The following MACF1 variants were observed in gnomAD, a reference collection of about 807,000 sequenced individuals.
MACF1 encodes the protein microtubule-actin cross-linking factor 1.
Under a neutral mutation model 854.8 loss-of-function variants are expected in MACF1, and 193 were observed. The observed-to-expected ratio is 0.23, with a 90% CI of 0.20 to 0.25. The LOEUF (loss-of-function observed/expected upper bound fraction) is 0.25. MACF1 is among the 10% of genes least tolerant of loss of function. MACF1 has a pLI of 1.00. For synonymous variants in MACF1, 3,185 were observed against 3,226.7 expected, an observed-to-expected ratio of 0.99 and a Z score of 0.44; for missense variants, 7,722 against 8,929.1, an observed-to-expected ratio of 0.86 and a Z score of 5.45.
chr1:39,391,004 G>A (rs964480173), intron 58 of MACF1, among the ~76,000 whole-genome samples: 3 of 151,828 alleles, frequency 2.0e-5, no homozygotes, highest in East Asian at 1.9e-4. Context: ...CCAGCTACTC[G>A]GGAGGCTGAG....
intron 6 of MACF1, among the ~76,000 whole-genome samples, chr1:39,277,492 A>G (rs969847592): frequency 6.6e-6 from 1 of 152,254 alleles, no homozygotes; most frequent in Admixed American, 6.5e-5. Context: ...GGAGGACTAC[A>G]GAGCTTCCCT....
At chr1:39,421,435 C>T (rs1643534349) in intron 58 of MACF1, among the ~76,000 whole-genome samples, 1 of 152,152 alleles carries the variant, frequency 6.6e-6, no homozygotes, top group African/African-American at 2.4e-5. Flanking sequence ...GTTACTGGCC[C>T]ATTTCCCTTT....
At chr1:39,462,834 C>T (rs1210610025) in intron 93 of MACF1, among the ~76,000 whole-genome samples, 1 of 152,120 alleles carries the variant, frequency 6.6e-6, no homozygotes, top group Non-Finnish European at 1.5e-5. Flanking sequence ...TTATTAGTGC[C>T]ATCTAGAAAC....
chr1:39,303,046 A>G lies in MACF1; in HGVS notation c.2757A>G (p.Pro919=), dbSNP rs746834376. 3.1e-6 allele frequency: 5 copies of G among 1,613,768 alleles called. No individual in the cohort carries two copies. In the African/African-American group the frequency reaches 6.7e-5, roughly 22 times the overall value. Residue 919 remains proline (P), a synonymous_variant, in exon 23 of 101, where the codon CCA becomes CCG. Transcript: ENST00000564288. ...MVPSVCFLIP[P]PNKDAIEMAS... is the part of the protein sequence containing the mutation. ...CGTCAGTCTGCTTCCTCATCCCCCC[A>G]CCCAATAAGGATGCCATTGAGATGG... is the stretch of plus-strand genomic sequence containing the variant.
chr1:39,227,032 A>T (rs1453644326), intron 1 of MACF1, among the ~76,000 whole-genome samples: 3 of 152,158 alleles, frequency 2.0e-5, no homozygotes, highest in Non-Finnish European at 1.5e-5. Flanking sequence ...ATCTCAGCAC[A>T]CAAGTGATAC....
intron 47 of MACF1, among the ~76,000 whole-genome samples, chr1:39,360,012 A>AATATATATATATAT (rs1188839648): frequency 1.0e-4 from 3 of 28,830 alleles, no homozygotes; most frequent in Non-Finnish European, 1.9e-4. Flanking sequence ...AAAAAAAAAA[A>AATATATATATATAT]ATATATATAT....
At chr1:39,242,989 G>C (rs926621085) in intron 2 of MACF1, among the ~76,000 whole-genome samples, 16 of 152,146 alleles carry the variant, frequency 1.1e-4, no homozygotes, top group Non-Finnish European at 1.0e-4. Context: ...GGGTCGTATG[G>C]TAACTTGTGT....
intron 54 of MACF1, among the ~76,000 whole-genome samples, chr1:39,379,659 C>G (rs1476156131): frequency 6.6e-6 from 1 of 152,196 alleles, no homozygotes; most frequent in Admixed American, 6.5e-5. Flanking sequence ...GATTCAGAAA[C>G]AAAACCAGGT....
rs930612349 is a variant in MACF1, at chr1:39,466,467, G to A, written c.21771+1355G>A. Among the ~76,000 whole-genome samples, 3 of 152,210 alleles carry A rather than the reference G, an allele frequency of 2.0e-5. No homozygotes were observed. In the South Asian group the frequency reaches 6.2e-4, roughly 32 times the overall value. ...TTGGGGGGGACATGAAATATATGGA[G>A]TGATAAATTATAGTACACAGTATTC... On this transcript the variant is annotated intron_variant, in intron 95 of 100. Transcript: ENST00000564288.
chr1:39,433,854 C>T (rs1405380450), intron 68 of MACF1, among the ~76,000 whole-genome samples: 1 of 152,064 alleles, frequency 6.6e-6, no homozygotes, highest in Admixed American at 6.5e-5. Context: ...CCAAGGTGGG[C>T]AGATTACCTG....
At chr1:39,308,013 T>C (rs1394890615) in intron 23 of MACF1, among the ~76,000 whole-genome samples, 2 of 143,694 alleles carry the variant, frequency 1.4e-5, no homozygotes, top group Non-Finnish European at 3.0e-5. Context: ...CACTCCATTC[T>C]CCCGCCTCAG....
intron 49 of MACF1, among the ~76,000 whole-genome samples, chr1:39,365,636 C>T (rs1354587069): frequency 1.3e-5 from 2 of 152,018 alleles, no homozygotes; most frequent in East Asian, 3.9e-4. Context: ...ATCATATACA[C>T]AATTTTTATA....
intron 48 of MACF1, 78 bp from the exon 49 acceptor site, chr1:39,361,282 G>A: frequency 7.2e-7 from 1 of 1,389,436 alleles, no homozygotes. Context: ...TTGTGAGATA[G>A]CATATAGTTA....
rs117775644 is a variant in MACF1, at chr1:39,211,620, C to T, written c.109+6489C>T. The stretch of plus-strand genomic sequence containing the variant: ...GTGACATGCCGGGCATGGTGGCTCA[C>T]GCCTGTAATCCTGACATTTTGGGAG... On this transcript the variant is annotated intron_variant, in intron 1 of 100. Transcript: ENST00000564288. Among the ~76,000 whole-genome samples the T allele has an allele frequency of 2.8e-3, 429 of 152,122 alleles. 15 individuals carry two copies. In the East Asian group the frequency reaches 0.071, roughly 25 times the overall value.
In MACF1 at chr1:39,334,143, G is replaced by C; in HGVS notation, c.7555G>C (p.Asp2519His). Residue 2519 changes from aspartate (D) to histidine (H), a missense_variant, in exon 37 of 101, where the codon GAT becomes CAT. Physicochemically the swap from Asp to His is moderately conservative, Grantham distance 81. Coordinates refer to ENST00000564288, the MANE Select transcript of MACF1 (RefSeq NM_001394062.1). ...HHISGMRLSVDNAFRHGLIGE... is the reference protein window; with the variant it reads ...HHISGMRLSVHNAFRHGLIGE... The stretch of plus-strand genomic sequence containing the variant: ...TATATCTGGGATGAGACTTTCTGTT[G>C]ATAATGCCTTCAGACATGGCTTAAT... 6.2e-7 allele frequency: 1 copy of C among 1,614,134 alleles called. No homozygotes were observed. The highest frequency in any genetic ancestry group is 1.1e-5 in the South Asian group (1 of 91,074).
intron 50 of MACF1, among the ~76,000 whole-genome samples, chr1:39,369,766 A>G (rs1432943395): frequency 6.6e-6 from 1 of 152,172 alleles, no homozygotes; most frequent in Non-Finnish European, 1.5e-5. Context: ...GCCTCCCTTT[A>G]GTTTTTCTCA....
At chr1:39,426,382 C>T (rs1214132714) in intron 61 of MACF1, among the ~76,000 whole-genome samples, 1 of 152,162 alleles carries the variant, frequency 6.6e-6, no homozygotes, top group Non-Finnish European at 1.5e-5. Context: ...ATTAGGTCTT[C>T]AGTAAAGGTT....
In MACF1 at chr1:39,105,740, G is replaced by A; in HGVS notation, c.220+21302G>A. 5.4e-6 allele frequency: 6 copies of A among 1,117,388 alleles called. No homozygotes were observed. Among genetic ancestry groups the A allele is most frequent in the Non-Finnish European group, 6.7e-6 (6 of 896,106 alleles). The allele number at this position is 1,117,388 out of a possible 1,614,324, so 69.2% of individuals were successfully genotyped here. ...AAGGTAGGGCCGGGGACTGGCCGGC[G>A]CTGAGGCCCGCGGGCCGGCGCAGCG... On this transcript the variant is annotated intron_variant, in intron 2 of 93. Coordinates refer to the MACF1 transcript ENST00000361689. This position sits in a 1 kb window ranked among gnomAD's most constrained non-coding sequence, Gnocchi z 5.9.
At chr1:39,379,097 A>T in intron 53 of MACF1, 106 bp from the exon 54 acceptor site, 1 of 1,136,872 alleles carries the variant, frequency 8.8e-7, no homozygotes, top group Non-Finnish European at 1.2e-6. Flanking sequence ...GATAATCTCT[A>T]ATTCACTAGA....
Sources: allele counts gnomAD v4.1 joint callset (sites outside exome capture counted in the v4.1 genomes callset), GRCh38; gene constraint gnomAD v4.1.1; non-coding constraint Gnocchi (gnomAD v3.1); transcripts MANE v1.5; gene names NCBI Gene and HGNC (gene_info 2026-07-23, HGNC 2026-07-21).